ZNF749: variants seen among roughly 807,000 people sequenced by gnomAD.
The protein encoded by ZNF749 is zinc finger protein 749.
A neutral mutation model predicts 7.3 loss-of-function variants in ZNF749; 8 were observed. That is an observed-to-expected ratio of 1.10 (90% CI 0.64 to 1.98). The LOEUF (loss-of-function observed/expected upper bound fraction) is 1.98, where lower values mean the gene tolerates loss of function less well. ZNF749 is among the 30% of genes most tolerant of loss of function. The pLI, the probability that ZNF749 is intolerant of heterozygous loss-of-function variation, is 0.00. For missense variants in ZNF749, 898 were observed against 932.4 expected (o/e 0.96, Z 0.48); for synonymous variants, 310 against 322.4 (o/e 0.96, Z 0.41).
chr19:57,435,172 C>G (rs10413680), upstream of ZNF749, among the ~76,000 whole-genome samples: 2 of 151,894 alleles, frequency 1.3e-5, no homozygotes, highest in African/African-American at 4.8e-5. Flanking sequence ...CAGGCAGCAG[C>G]GTGGGAACTA....
Position 57,444,231 on chromosome 19 carries a change from A to C in ZNF749, c.1083A>C (p.Lys361Asn). ...GTTACGAGTGCAGTGAATGTGGGAA[A>C]TTGTTTATGGACAGCTTCACACTCG... The part of the protein sequence containing the change: ...ERRYECSECG[K>N]LFMDSFTLGR... Residue 361 changes from lysine (K) to asparagine (N), a missense_variant, in exon 3 of 3, where the codon AAA becomes AAC. Lys to Asn is a moderately conservative substitution (Grantham distance 94, BLOSUM62 0). Transcript: ENST00000334181. 1 of 1,614,024 alleles carries C rather than the reference A, an allele frequency of 6.2e-7. No homozygotes were observed. Among genetic ancestry groups the C allele is most frequent in the Non-Finnish European group, 8.5e-7 (1 of 1,179,992 alleles).
In ZNF749 at chr19:57,443,401, C is replaced by T; in HGVS notation, c.253C>T (p.Pro85Ser). 6.2e-7 allele frequency: 1 copy of T among 1,614,232 alleles called. No homozygotes were observed. Among genetic ancestry groups the T allele is most frequent in the Non-Finnish European group, 8.5e-7 (1 of 1,180,036 alleles). The change falls in exon 3 of 3, where the codon CCC becomes TCC. Residue 85 changes from proline to serine, a missense_variant. By Grantham distance (74) the Pro-to-Ser change is moderately conservative. Transcript: ENST00000334181. ...KPALSTLKAQ[P>S]CKMCSSILKD... ...AGCTTTGTCCACCCTGAAGGCCCAG[C>T]CCTGCAAGATGTGTAGCTCAATTCT...
Position 57,443,571 on chromosome 19 carries a change from G to A in ZNF749, c.423G>A (p.Val141=). 1 of 1,614,242 alleles carries A rather than the reference G, an allele frequency of 6.2e-7. No individual in the cohort carries two copies. Among genetic ancestry groups the A allele is most frequent in the East Asian group, 2.2e-5 (1 of 44,888 alleles). Residue 141 remains valine (V), a synonymous_variant, in exon 3 of 3, where the codon GTG becomes GTA. Coordinates refer to ENST00000334181, the MANE Select transcript of ZNF749 (RefSeq NM_001023561.4). ...GTGATGAGTGGAGGCCTTCATTTGT[G>A]AACCACAGTGCTCACGTGGGAGAGA... ...TRSDEWRPSF[V]NHSAHVGERN...
Position 57,442,550 on chromosome 19 carries a change from C to G in ZNF749, c.142+539C>G, listed in dbSNP as rs968428963. Among the ~76,000 whole-genome samples, 1 of 152,180 alleles carries G rather than the reference C, an allele frequency of 6.6e-6. No individual in the cohort carries two copies. Among genetic ancestry groups the G allele is most frequent in the Non-Finnish European group, 1.5e-5 (1 of 68,032 alleles). The stretch of plus-strand genomic sequence containing the variant: ...TTTCCCTGCCTTTCCCGTAGCTGGA[C>G]TTATGCCGCAGCTAGATAGTTGCTC... On this transcript the variant is annotated intron_variant, in intron 2 of 2. Coordinates refer to ENST00000334181, the MANE Select transcript of ZNF749 (RefSeq NM_001023561.4). This position sits in a 1 kb window ranked among gnomAD's most constrained non-coding sequence, Gnocchi z 6.6.
At chr19:57,434,606 GCTGTAGATGGGCCAC>G (rs1461451012), upstream of ZNF749, among the ~76,000 whole-genome samples, 2 of 151,992 alleles carry the variant, frequency 1.3e-5, no homozygotes, top group African/African-American at 4.8e-5. Context: ...TTAAAACCAA[GCTGTAGATGGGCCAC>G]CCTGGGCATA....
upstream of ZNF749, chr19:57,435,324 G>A (rs1235061287): frequency 3.3e-6 from 2 of 603,854 alleles, no homozygotes; most frequent in East Asian, 2.8e-5. Context: ...GTGTGGGCGG[G>A]ACTTCTGGCG....
chr19:57,435,628 C>T (rs751619388), intron 1 of ZNF749, 35 bp downstream of exon 1: 2 of 1,596,934 alleles, frequency 1.3e-6, no homozygotes, highest in South Asian at 1.1e-5. Context: ...CCGCCCAACC[C>T]CTCCTCCCAG....
chr19:57,435,619 C>T, intron 1 of ZNF749, 26 bp downstream of exon 1: 1 of 1,599,150 alleles, frequency 6.3e-7, no homozygotes. Flanking sequence ...CAGGCCGCCC[C>T]GCCCAACCCC....
upstream of ZNF749, among the ~76,000 whole-genome samples, chr19:57,432,659 A>C (rs2088905374): frequency 6.6e-6 from 1 of 151,866 alleles, no homozygotes; most frequent in Non-Finnish European, 1.5e-5. Flanking sequence ...ACTTGTTGCT[A>C]ACTTAACATG....
At position 57,439,717 on chromosome 19, in the gene ZNF749, C is replaced by T. The variant is rs181248993; in HGVS notation, c.16-2168C>T. ...GGCTGCAGTGAGCCATGATTGTGCC[C>T]CTGCACTCCAGCCTGGGCAACAGAG... is the stretch of plus-strand genomic sequence containing the variant. On this transcript the variant is annotated intron_variant, in intron 1 of 2. Transcript: ENST00000334181. The surrounding 1 kb of genome is among the most constrained non-coding windows in gnomAD (Gnocchi z 4.3). 9.0e-4 allele frequency among the ~76,000 whole-genome samples: 137 copies of T among 151,910 alleles called. No homozygotes were observed. Among genetic ancestry groups the T allele is most frequent in the African/African-American group, 3.1e-3 (130 of 41,442 alleles).
upstream of ZNF749, among the ~76,000 whole-genome samples, chr19:57,433,618 CT>C (rs1173115391): frequency 0.077 from 10,528 of 136,026 alleles, 1,048 homozygotes; most frequent in African/African-American, 0.25. Flanking sequence ...TTAATTTTTC[CT>C]TTTTTTTTTT....
rs139122172 is a variant in ZNF749, at chr19:57,443,612, C to A, written c.464C>A (p.Thr155Lys). The change falls in exon 3 of 3, where the codon ACG becomes AAG. Residue 155 changes from threonine to lysine, a missense_variant. By Grantham distance (78) the Thr-to-Lys change is moderately conservative (BLOSUM62 -1). Coordinates refer to ENST00000334181, the MANE Select transcript of ZNF749 (RefSeq NM_001023561.4). ...GTGGGAGAGAGGAACTTCACATGCA[C>A]GCAGGGTGGCAAGGATTTTACTGCC... ...AHVGERNFTCTQGGKDFTASS... is the reference protein window; with the variant it reads ...AHVGERNFTCKQGGKDFTASS... 1 of 1,614,202 alleles carries A rather than the reference C, an allele frequency of 6.2e-7. No individual in the cohort carries two copies. Among genetic ancestry groups the A allele is most frequent in the South Asian group, 1.1e-5 (1 of 91,086 alleles).
upstream of ZNF749, among the ~76,000 whole-genome samples, chr19:57,433,130 G>A (rs1373758647): frequency 4.7e-5 from 7 of 149,454 alleles, no homozygotes; most frequent in Admixed American, 1.3e-4. Context: ...GTGTGTGTGT[G>A]TGTGTGTGTG....
At position 57,442,078 on chromosome 19, in the gene ZNF749, ACT is replaced by A. The variant is rs2088997018; in HGVS notation, c.142+70_142+71del. ...TGTTTTTTTGCTCTTTTCCATGACA[ACT>A]CTGTCTTTCCCACACCAGATTGTGA... On this transcript the variant is annotated intron_variant, in intron 2 of 2. Transcript: ENST00000334181. This position sits in a 1 kb window ranked among gnomAD's most constrained non-coding sequence, Gnocchi z 6.6. The A allele has an allele frequency of 9.5e-6, 15 of 1,575,936 alleles. No individual in the cohort carries two copies. Among genetic ancestry groups the A allele is most frequent in the Non-Finnish European group, 1.3e-5 (15 of 1,159,324 alleles).
chr19:57,444,486 C>A lies in ZNF749; in HGVS notation c.1338C>A (p.Ala446=), dbSNP rs1273175280. 1.9e-6 allele frequency: 3 copies of A among 1,613,870 alleles called. No individual in the cohort carries two copies. The highest frequency in any genetic ancestry group is 2.7e-5 in the African/African-American group (2 of 74,894). The change falls in exon 3 of 3, where the codon GCC becomes GCA. Residue 446 remains alanine, a synonymous_variant. Transcript: ENST00000334181. Reference sequence around the variant, plus strand: ...ATGAGTGCACTGAATGTGAGAAGGCCTTTGTTAGAAAGTCCCACCTAGTTC... The same window carrying A: ...ATGAGTGCACTGAATGTGAGAAGGCATTTGTTAGAAAGTCCCACCTAGTTC... ...RPYECTECEK[A]FVRKSHLVQH... is the part of the protein sequence containing the mutation.
At position 57,445,537 on chromosome 19, in the gene ZNF749, A is replaced by G. The variant is rs2089055769; in HGVS notation, c.*52A>G. On this transcript the variant is annotated 3_prime_UTR_variant, in exon 3 of 3. Coordinates refer to ENST00000334181, the MANE Select transcript of ZNF749 (RefSeq NM_001023561.4). ...AACTGTCACCTCATTCAGCACCAAA[A>G]GGTTCACATCGGACCAAGAACCTAT... The G allele has an allele frequency of 6.4e-7, 1 of 1,550,888 alleles. No individual in the cohort carries two copies. The highest frequency in any genetic ancestry group is 8.7e-7 in the Non-Finnish European group (1 of 1,152,342).
Position 57,445,210 on chromosome 19 carries a change from A to G in ZNF749, c.2062A>G (p.Lys688Glu), listed in dbSNP as rs749401650. The G allele has an allele frequency of 1.2e-6, 2 of 1,614,114 alleles. No homozygotes were observed. Among genetic ancestry groups the G allele is most frequent in the African/African-American group, 1.3e-5 (1 of 75,070 alleles). ...CCGCTCTACATTCATTAAACATCATAAAGTTTGCACTGGGGAGAAGCCTCA... is the reference window on the plus strand; with the variant it reads ...CCGCTCTACATTCATTAAACATCATGAAGTTTGCACTGGGGAGAAGCCTCA... ...RYRSTFIKHH[K>E]VCTGEKPHEC... Residue 688 changes from lysine to glutamate, a missense_variant, in exon 3 of 3, where the codon AAA becomes GAA. Transcript: ENST00000334181.
chr19:57,444,700 A>C lies in ZNF749; in HGVS notation c.1552A>C (p.Lys518Gln), dbSNP rs773816890. The stretch of plus-strand genomic sequence containing the variant: ...GCCTTATGAATGCACTCAATGTGCG[A>C]AGGCCTTTGTTAGAAAGTCCCACCT... ...ERPYECTQCA[K>Q]AFVRKSHLVQ... Residue 518 changes from lysine to glutamine, a missense_variant, in exon 3 of 3, where the codon AAG (lysine) becomes CAG (glutamine). Coordinates refer to ENST00000334181, the MANE Select transcript of ZNF749 (RefSeq NM_001023561.4). The C allele has an allele frequency of 8.7e-6, 14 of 1,613,792 alleles. No homozygotes were observed. Among genetic ancestry groups the C allele is most frequent in the Non-Finnish European group, 1.1e-5 (13 of 1,179,880 alleles).
Position 57,443,514 on chromosome 19 carries a change from A to C in ZNF749, c.366A>C (p.Gln122His). ...YTCAAEHDLH[Q>H]KEQIREKLTR... is the part of the protein sequence containing the mutation. Reference sequence around the variant, plus strand: ...GTGCAGCAGAGCATGACCTGCACCAAAAGGAGCAGATTAGAGAGAAGCTCA... The same window carrying C: ...GTGCAGCAGAGCATGACCTGCACCACAAGGAGCAGATTAGAGAGAAGCTCA... Residue 122 changes from glutamine (Q) to histidine (H), a missense_variant, in exon 3 of 3, where the codon CAA becomes CAC. By Grantham distance (24) the Gln-to-His change is conservative. Coordinates refer to ENST00000334181, the MANE Select transcript of ZNF749 (RefSeq NM_001023561.4). 6.2e-7 allele frequency: 1 copy of C among 1,614,194 alleles called. No homozygotes were observed. The highest frequency in any genetic ancestry group is 8.5e-7 in the Non-Finnish European group (1 of 1,179,998).
Sources: allele counts gnomAD v4.1 joint callset (sites outside exome capture counted in the v4.1 genomes callset), GRCh38; gene constraint gnomAD v4.1.1; non-coding constraint Gnocchi (gnomAD v3.1); transcripts MANE v1.5; gene names NCBI Gene and HGNC (gene_info 2026-07-23, HGNC 2026-07-21).